Variants in AKAP19 observed in about 807,000 individuals in gnomAD.
The protein encoded by AKAP19 is small A-kinase anchoring protein.
the AKAP19 span, among the ~76,000 whole-genome samples, chr2:190,198,011 A>G: frequency 6.6e-6 from 1 of 152,228 alleles, no homozygotes; most frequent in Non-Finnish European, 1.5e-5. Flanking sequence ...GCTGATGATT[A>G]ACAACCAAGA....
the AKAP19 span, among the ~76,000 whole-genome samples, chr2:189,921,940 A>G: frequency 4.6e-5 from 7 of 152,244 alleles, no homozygotes; most frequent in Non-Finnish European, 1.0e-4. Flanking sequence ...TCATGGAACT[A>G]GCAATTCATT....
At chr2:190,052,812 TG>T in the AKAP19 span, among the ~76,000 whole-genome samples, 1 of 152,198 alleles carries the variant, frequency 6.6e-6, no homozygotes, top group African/African-American at 2.4e-5. Flanking sequence ...TAAGATAAAT[TG>T]AGTCAAATAT....
chr2:189,978,599 A>G, the AKAP19 span, among the ~76,000 whole-genome samples: 17 of 152,234 alleles, frequency 1.1e-4, no homozygotes, highest in Non-Finnish European at 2.1e-4. Context: ...CCTGGGCAAC[A>G]GAGTGAGACC....
chr2:190,188,780 T>A, the AKAP19 span, among the ~76,000 whole-genome samples: 1 of 152,132 alleles, frequency 6.6e-6, no homozygotes, highest in African/African-American at 2.4e-5. Context: ...TCACATGAAC[T>A]TTTTTTTCCC....
chr2:190,002,367 C>A, the AKAP19 span, among the ~76,000 whole-genome samples: 1 of 152,084 alleles, frequency 6.6e-6, no homozygotes, highest in Non-Finnish European at 1.5e-5. Flanking sequence ...TCTTGTCCTG[C>A]TCAATTTTGA....
the AKAP19 span, among the ~76,000 whole-genome samples, chr2:189,985,081 A>G: frequency 3.3e-5 from 5 of 152,338 alleles, no homozygotes; most frequent in African/African-American, 1.2e-4. Flanking sequence ...AGTTTGGCAG[A>G]TTGTCAACAA....
chr2:190,163,432 T>C, the AKAP19 span, among the ~76,000 whole-genome samples: 1 of 143,544 alleles, frequency 7.0e-6, no homozygotes, highest in Non-Finnish European at 1.5e-5. Context: ...AGACTCCGTC[T>C]CAAAAAAACA....
At chr2:189,947,546 T>C in the AKAP19 span, among the ~76,000 whole-genome samples, 5 of 152,152 alleles carry the variant, frequency 3.3e-5, no homozygotes, top group African/African-American at 1.2e-4. Flanking sequence ...CAATACTGGA[T>C]GTGATCTTGG....
chr2:190,048,282 G>A, the AKAP19 span, among the ~76,000 whole-genome samples: 66 of 152,276 alleles, frequency 4.3e-4, no homozygotes, highest in Middle Eastern at 6.8e-3. Flanking sequence ...ATGACGGCAT[G>A]TAACAGTAGT....
the AKAP19 span, among the ~76,000 whole-genome samples, chr2:189,948,709 C>T: frequency 1.3e-5 from 2 of 152,140 alleles, no homozygotes; most frequent in African/African-American, 4.8e-5. Flanking sequence ...TTATGTCAGA[C>T]ATACATAACA....
the AKAP19 span, among the ~76,000 whole-genome samples, chr2:190,145,376 T>C: frequency 5.0e-3 from 759 of 152,336 alleles, 5 homozygotes; most frequent in African/African-American, 0.018. Flanking sequence ...AGTTCCCTAC[T>C]GCTGGATACT....
chr2:190,017,920 TG>T, the AKAP19 span, among the ~76,000 whole-genome samples: 1 of 152,210 alleles, frequency 6.6e-6, no homozygotes, highest in Non-Finnish European at 1.5e-5. Flanking sequence ...ACAGCTTTTC[TG>T]GGTAAATATT....
the AKAP19 span, among the ~76,000 whole-genome samples, chr2:190,163,332 G>T: frequency 3.3e-5 from 5 of 151,950 alleles, no homozygotes; most frequent in Admixed American, 6.6e-5. Flanking sequence ...TACTTGGGAG[G>T]CTGAGGCAGG....
the AKAP19 span, among the ~76,000 whole-genome samples, chr2:189,931,986 A>C: frequency 6.6e-6 from 1 of 152,302 alleles, no homozygotes; most frequent in Non-Finnish European, 1.5e-5. Flanking sequence ...AATGTCCTTC[A>C]AAGCAAAAGA....
At chr2:190,178,132 C>G in the AKAP19 span, among the ~76,000 whole-genome samples, 1 of 152,154 alleles carries the variant, frequency 6.6e-6, no homozygotes, top group African/African-American at 2.4e-5. This position sits in a 1 kb window ranked among gnomAD's most constrained non-coding sequence, Gnocchi z 6.3. Flanking sequence ...TGCCTCTATC[C>G]TTGTTCAAGC....
chr2:189,950,907 C>G, the AKAP19 span, among the ~76,000 whole-genome samples: 1 of 152,152 alleles, frequency 6.6e-6, no homozygotes, highest in Non-Finnish European at 1.5e-5. Context: ...GGCTCTCTAT[C>G]CCTGTTATTA....
chr2:190,029,195 G>A, the AKAP19 span, among the ~76,000 whole-genome samples: 1 of 151,998 alleles, frequency 6.6e-6, no homozygotes, highest in Non-Finnish European at 1.5e-5. Context: ...TGGGATTACA[G>A]GCATGCACCA....
the AKAP19 span, among the ~76,000 whole-genome samples, chr2:190,098,538 A>G: frequency 6.6e-6 from 1 of 152,170 alleles, no homozygotes; most frequent in African/African-American, 2.4e-5. Flanking sequence ...TCATTTCTAG[A>G]GCACGAGCAG....
the AKAP19 span, among the ~76,000 whole-genome samples, chr2:189,979,985 T>G: frequency 6.6e-6 from 1 of 152,188 alleles, no homozygotes; most frequent in Non-Finnish European, 1.5e-5. Flanking sequence ...GTAAAGTAGT[T>G]CAACTGTATG....
Sources: gnomAD v4.1 joint callset for allele counts (sites outside exome capture counted in the v4.1 genomes callset) on GRCh38, gnomAD v4.1.1 for gene constraint, Gnocchi (gnomAD v3.1) non-coding constraint, MANE v1.5 for transcripts, NCBI Gene and HGNC (gene_info 2026-07-23, HGNC 2026-07-21) for gene names.